MAX: variants seen among roughly 807,000 people sequenced by gnomAD.
MAX encodes protein max.
In MAX, 3 loss-of-function variants were observed where a neutral mutation model predicts 22.3. The observed-to-expected ratio is 0.13, with a 90% CI of 0.06 to 0.35. MAX has a LOEUF of 0.35. MAX is among the 10% of genes least tolerant of loss of function. The pLI, the probability that MAX is intolerant of heterozygous loss-of-function variation, is 1.00. For missense variants in MAX, 119 were observed against 209.4 expected, an observed-to-expected ratio of 0.57 and a Z score of 2.66; for synonymous variants, 72 against 77.7, an observed-to-expected ratio of 0.93 and a Z score of 0.39.
Position 65,044,692 on chromosome 14 carries a change from C to A in MAX, c.172-38408G>T. 1 of 537,066 alleles carries A rather than the reference C, an allele frequency of 1.9e-6. No homozygotes were observed. The allele number at this position is 537,066 out of a possible 1,614,324, so 33.3% of individuals were successfully genotyped here. A position where few individuals can be genotyped will look rare whatever the true frequency, so the allele number is the denominator to read the frequency against. ...AGAATGAGCTTCCTTGAAATTGCTA[C>A]GGGGAGCGGGGAGGAAGTGGGCGCT... On this transcript the variant is annotated intron_variant, in intron 3 of 3. Coordinates refer to the MAX transcript ENST00000341653. The surrounding 1 kb of genome is among the most constrained non-coding windows in gnomAD (Gnocchi z 5.5).
At chr14:65,048,325 TA>T (rs59114641) in intron 3 of MAX, among the ~76,000 whole-genome samples, 1,704 of 145,012 alleles carry the variant, frequency 0.012, 13 homozygotes, top group Middle Eastern at 0.029. Context: ...ACTGTGCCTT[TA>T]AAAAAAAAAA....
At chr14:65,053,501 T>G in intron 3 of MAX, 1 of 622,468 alleles carries the variant, frequency 1.6e-6, no homozygotes, top group Non-Finnish European at 2.3e-6. Flanking sequence ...AGCACCCAGT[T>G]GGGAGCACCC....
At chr14:65,101,468 G>C (rs969962774) in intron 2 of MAX, 78 bp downstream of exon 2, 21 of 1,251,156 alleles carry the variant, frequency 1.7e-5, no homozygotes, top group Admixed American at 3.8e-5. Context: ...GTAATAGTAC[G>C]ATCTCTTTTT....
In MAX at chr14:65,078,328, A is replaced by G. The variant is rs1478041602; in HGVS notation, c.172-292T>C. On this transcript the variant is annotated intron_variant, in intron 3 of 4. Coordinates refer to ENST00000358664, the MANE Select transcript of MAX (RefSeq NM_002382.5). The surrounding 1 kb of genome is among the most constrained non-coding windows in gnomAD (Gnocchi z 6.4). ...GTGATTCTCCTGCCTCAGCCTCCTG[A>G]GTAGCTAGGATTATAGGTGTGCGCC... Among the ~76,000 whole-genome samples, 4 of 151,966 alleles carry G rather than the reference A, an allele frequency of 2.6e-5. No individual in the cohort carries two copies. Among genetic ancestry groups the G allele is most frequent in the Admixed American group, 2.0e-4 (3 of 15,260 alleles).
intron 3 of MAX, among the ~76,000 whole-genome samples, chr14:65,043,556 C>T (rs1444829690): frequency 6.6e-6 from 1 of 152,194 alleles, no homozygotes; most frequent in Non-Finnish European, 1.5e-5. Context: ...GGCACGGTGG[C>T]TCACGCCTGT....
chr14:65,057,535 T>G, intron 3 of MAX, among the ~76,000 whole-genome samples: 1 of 152,192 alleles, frequency 6.6e-6, no homozygotes, highest in East Asian at 1.9e-4. Flanking sequence ...AGGATTAACT[T>G]AAGGAATCTC....
intron 3 of MAX, among the ~76,000 whole-genome samples, chr14:65,017,692 C>T (rs1004518472): frequency 5.9e-5 from 9 of 152,136 alleles, no homozygotes; most frequent in Admixed American, 3.3e-4. Context: ...TGGTGGCTCA[C>T]GCCTGTAATC....
At chr14:65,016,122 A>G (rs1003021507) in intron 3 of MAX, among the ~76,000 whole-genome samples, 6 of 152,186 alleles carry the variant, frequency 3.9e-5, no homozygotes, top group African/African-American at 9.7e-5. Flanking sequence ...ACGCACCTCT[A>G]TAGAAGTACC....
At chr14:65,053,572 C>A (rs563614750) in intron 3 of MAX, among the ~76,000 whole-genome samples, 1 of 150,264 alleles carries the variant, frequency 6.7e-6, no homozygotes, top group African/African-American at 2.5e-5. Context: ...CTGCATGCAA[C>A]CCCCTCCCCC....
chr14:65,053,227 C>A, intron 3 of MAX: 1 of 1,367,778 alleles, frequency 7.3e-7, no homozygotes, highest in Non-Finnish European at 9.5e-7. Flanking sequence ...TGACCCTTTG[C>A]CCTTCAACAG....
rs1341140586 is a variant in MAX, at chr14:65,047,260, GT to G, written c.172-40977del. ...ACAACCCTATGAAATAGGTACCATT[GT>G]TTACAGATGAGGAAACAAACTACAG... On this transcript the variant is annotated intron_variant, in intron 3 of 3. Transcript: ENST00000341653. This position sits in a 1 kb window ranked among gnomAD's most constrained non-coding sequence, Gnocchi z 5.2. Among the ~76,000 whole-genome samples, 19 of 152,280 alleles carry G rather than the reference GT, an allele frequency of 1.2e-4. No homozygotes were observed. In the South Asian group the frequency reaches 3.3e-3, roughly 27 times the overall value.
At chr14:65,006,636 G>T (rs185085055) in intron 3 of MAX, among the ~76,000 whole-genome samples, 3 of 152,316 alleles carry the variant, frequency 2.0e-5, no homozygotes, top group Admixed American at 1.3e-4. Flanking sequence ...ACCCGATCGG[G>T]CTGAGTCACT....
chr14:65,046,008 A>T (rs1456223155), intron 3 of MAX, among the ~76,000 whole-genome samples: 1 of 151,834 alleles, frequency 6.6e-6, no homozygotes, highest in East Asian at 1.9e-4. Flanking sequence ...TTTTTTTGAG[A>T]CGGAGTTTCA....
chr14:65,045,806 C>T (rs1166893819), intron 3 of MAX, among the ~76,000 whole-genome samples: 1 of 152,136 alleles, frequency 6.6e-6, no homozygotes. Context: ...GAGCCTCTGT[C>T]CCATTTTCCC....
chr14:65,012,086 T>G lies in MAX; in HGVS notation c.172-5802A>C. 6.0e-6 allele frequency: 3 copies of G among 498,066 alleles called. No individual in the cohort carries two copies. The highest frequency in any genetic ancestry group is 1.1e-5 in the Non-Finnish European group (3 of 274,618). 30.9% of individuals were successfully genotyped at this position (498,066 alleles called of 1,614,324 possible). ...CTGCCTTTAGGAGACAATCGCACTC[T>G]AAATGTCAGCTGGCATGGTTTTCAG... is the stretch of plus-strand genomic sequence containing the variant. On this transcript the variant is annotated intron_variant, in intron 3 of 3. Coordinates refer to the MAX transcript ENST00000341653. This position sits in a 1 kb window ranked among gnomAD's most constrained non-coding sequence, Gnocchi z 5.0.
At chr14:65,100,724 T>G (rs1323155411) in intron 2 of MAX, among the ~76,000 whole-genome samples, 1 of 152,242 alleles carries the variant, frequency 6.6e-6, no homozygotes, top group Admixed American at 6.5e-5. Flanking sequence ...CTGATTCTGA[T>G]TTATTCTGTG....
At chr14:65,065,299 C>T (rs1046090236) in intron 3 of MAX, among the ~76,000 whole-genome samples, 2 of 152,174 alleles carry the variant, frequency 1.3e-5, no homozygotes, top group African/African-American at 2.4e-5. Flanking sequence ...CCGAGGCCCA[C>T]GTGGCCTCTG....
chr14:65,028,778 A>G lies in MAX; in HGVS notation c.172-22494T>C, dbSNP rs1437457791. Among the ~76,000 whole-genome samples, 1 of 152,226 alleles carries G rather than the reference A, an allele frequency of 6.6e-6. No homozygotes were observed. The highest frequency in any genetic ancestry group is 3.2e-3 in the Middle Eastern group (1 of 316). On this transcript the variant is annotated intron_variant, in intron 3 of 3. Coordinates refer to the MAX transcript ENST00000341653. This position sits in a 1 kb window ranked among gnomAD's most constrained non-coding sequence, Gnocchi z 4.4. ...AGTAGAACGACTGAGGTAAATCAGT[A>G]TGTGTTGATTCTTCTTAAGGAAAAT...
At position 65,088,981 on chromosome 14, in the gene MAX, A is replaced by G. The variant is rs956976781; in HGVS notation, c.171+4727T>C. On this transcript the variant is annotated intron_variant, in intron 3 of 4. Coordinates refer to ENST00000358664, the MANE Select transcript of MAX (RefSeq NM_002382.5). This position sits in a 1 kb window ranked among gnomAD's most constrained non-coding sequence, Gnocchi z 5.2. ...AGATTTTAATGGAAATGAAACTGAG[A>G]TTAACTCAATGTAAAGCTCTTATCT... Among the ~76,000 whole-genome samples, 4 of 152,176 alleles carry G rather than the reference A, an allele frequency of 2.6e-5. No individual in the cohort carries two copies. Among genetic ancestry groups the G allele is most frequent in the African/African-American group, 9.7e-5 (4 of 41,448 alleles).
Sources: gnomAD v4.1 joint callset for allele counts (sites outside exome capture counted in the v4.1 genomes callset) on GRCh38, gnomAD v4.1.1 for gene constraint, Gnocchi (gnomAD v3.1) non-coding constraint, MANE v1.5 for transcripts, NCBI Gene and HGNC (gene_info 2026-07-23, HGNC 2026-07-21) for gene names.